The following SYT2 variants were observed in gnomAD, a reference collection of about 807,000 sequenced individuals.
SYT2 encodes synaptotagmin-2.
In SYT2, 15 loss-of-function variants were observed where a neutral mutation model predicts 39.9. The ratio of observed to expected loss-of-function variants is 0.38; its 90% CI spans 0.25 to 0.58. The LOEUF is 0.58. Ranked by LOEUF, SYT2 falls within the 20% of genes least tolerant of loss-of-function variation. The pLI is 0.70. For missense variants in SYT2, 389 were observed against 530.3 expected, an observed-to-expected ratio of 0.73 and a Z score of 2.62; for synonymous variants, 181 against 204.5, an observed-to-expected ratio of 0.89 and a Z score of 0.98.
intron 1 of SYT2, among the ~76,000 whole-genome samples, chr1:202,662,873 CA>C (rs1692409648): frequency 6.6e-6 from 1 of 152,142 alleles, no homozygotes; most frequent in South Asian, 2.1e-4. Flanking sequence ...AATAGATTTG[CA>C]AAGTCCCAGG....
intron 1 of SYT2, among the ~76,000 whole-genome samples, chr1:202,651,209 G>A (rs1692187332): frequency 6.6e-6 from 1 of 152,166 alleles, no homozygotes; most frequent in East Asian, 1.9e-4. Flanking sequence ...AGGAAGGGAT[G>A]GATTTGCTCA....
chr1:202,624,288 G>GT (rs752555006), intron 1 of SYT2, among the ~76,000 whole-genome samples: 54 of 151,050 alleles, frequency 3.6e-4, no homozygotes, highest in Non-Finnish European at 2.8e-4. Flanking sequence ...GTGTATATAT[G>GT]GTGTGTGTGT....
chr1:202,650,581 A>G (rs1441226694), intron 1 of SYT2, among the ~76,000 whole-genome samples: 1 of 152,006 alleles, frequency 6.6e-6, no homozygotes, highest in African/African-American at 2.4e-5. Flanking sequence ...GATTTCAGGC[A>G]CACACCACCA....
At chr1:202,693,402 T>G (rs1370556900) in intron 1 of SYT2, among the ~76,000 whole-genome samples, 1 of 152,180 alleles carries the variant, frequency 6.6e-6, no homozygotes, top group Non-Finnish European at 1.5e-5. Flanking sequence ...TCATTTCTAC[T>G]CATCGCCTGC....
rs143205006 is a variant in SYT2, at chr1:202,662,331, A to T, written c.-18+47927T>A. 3.1e-3 allele frequency among the ~76,000 whole-genome samples: 476 copies of T among 152,368 alleles called. 3 individuals carry two copies. Among genetic ancestry groups the T allele is most frequent in the African/African-American group, 0.011 (456 of 41,584 alleles). Reference sequence around the variant, plus strand: ...ACTACTTCCTAAAGACGCAGAGATTACACTAATTGATCCCCCTGCCTGGGG... The same window carrying T: ...ACTACTTCCTAAAGACGCAGAGATTTCACTAATTGATCCCCCTGCCTGGGG... On this transcript the variant is annotated intron_variant, in intron 1 of 8. Transcript: ENST00000367268.
intron 4 of SYT2, 105 bp downstream of exon 4, chr1:202,602,894 G>T: frequency 7.3e-7 from 1 of 1,378,332 alleles, no homozygotes; most frequent in Non-Finnish European, 1.0e-6. Context: ...CTATGGAAAG[G>T]AGTAGTGCCC....
In SYT2 at chr1:202,596,818, G is replaced by A; in HGVS notation, c.1199C>T (p.Ala400Val). The A allele has an allele frequency of 6.2e-7, 1 of 1,614,162 alleles. No individual in the cohort carries two copies. Among genetic ancestry groups the A allele is most frequent in the Non-Finnish European group, 8.5e-7 (1 of 1,180,026 alleles). ...CTCAGGCTTGAGCGAGTGCCACTGG[G>A]CGATGGGCCTCCGGGGGTTGGCCAG... ...DMLANPRRPI[A>V]QWHSLKPEEE... Residue 400 changes from alanine to valine, a missense_variant, in exon 9 of 9, where the codon GCC becomes GTC. Ala to Val is a moderately conservative substitution (Grantham distance 64). Transcript: ENST00000367268.
chr1:202,615,921 TC>T (rs1478923914), intron 1 of SYT2, among the ~76,000 whole-genome samples: 11 of 152,278 alleles, frequency 7.2e-5, no homozygotes, highest in African/African-American at 2.6e-4. Context: ...TCTGTGGTAT[TC>T]ACCTGGCAAA....
At chr1:202,694,787 CCCT>C (rs1468951338) in intron 1 of SYT2, among the ~76,000 whole-genome samples, 4 of 151,688 alleles carry the variant, frequency 2.6e-5, no homozygotes, top group East Asian at 1.9e-4. Context: ...CCTCTCCTCT[CCCT>C]CCTCCTCCTC....
At chr1:202,704,185 A>G (rs879863350) in intron 1 of SYT2, among the ~76,000 whole-genome samples, 2 of 152,162 alleles carry the variant, frequency 1.3e-5, no homozygotes, top group Admixed American at 1.3e-4. Flanking sequence ...ACAGGCGACT[A>G]TCCTGGGGTT....
At chr1:202,632,496 C>T in intron 1 of SYT2, 6 of 935,136 alleles carry the variant, frequency 6.4e-6, no homozygotes, top group Non-Finnish European at 7.7e-6. Flanking sequence ...GGCTGCGTAG[C>T]CATCGCCGGA....
chr1:202,709,922 C>G (rs1292986023), intron 1 of SYT2, among the ~76,000 whole-genome samples: 1 of 152,026 alleles, frequency 6.6e-6, no homozygotes, highest in East Asian at 1.9e-4. Flanking sequence ...GAGAGAGGGA[C>G]GGGGGCGCAG....
In SYT2 at chr1:202,628,839, C is replaced by A. The variant is rs992502985; in HGVS notation, c.-17-23050G>T. 6.6e-6 allele frequency among the ~76,000 whole-genome samples: 1 copy of A among 152,238 alleles called. No homozygotes were observed. The highest frequency in any genetic ancestry group is 6.5e-5 in the Admixed American group (1 of 15,284). On this transcript the variant is annotated intron_variant, in intron 1 of 8. Transcript: ENST00000367268. This position sits in a 1 kb window ranked among gnomAD's most constrained non-coding sequence, Gnocchi z 4.2. ...GGTGCTGCCAAGTGGGGTGAATGAG[C>A]ACCTGGGCTCTGGGCAGACTGACCT...
chr1:202,597,679 C>T (rs190809050), intron 8 of SYT2, among the ~76,000 whole-genome samples: 1 of 151,942 alleles, frequency 6.6e-6, no homozygotes, highest in African/African-American at 2.4e-5. Flanking sequence ...GTGTCGTGGA[C>T]ATTTGAGAGA....
intron 1 of SYT2, among the ~76,000 whole-genome samples, chr1:202,693,405 T>A (rs1342570959): frequency 3.3e-5 from 5 of 152,182 alleles, no homozygotes; most frequent in African/African-American, 1.2e-4. Context: ...TTTCTACTCA[T>A]CGCCTGCATC....
At chr1:202,603,788 C>T (rs1176124640) in intron 3 of SYT2, among the ~76,000 whole-genome samples, 2 of 152,154 alleles carry the variant, frequency 1.3e-5, no homozygotes, top group African/African-American at 2.4e-5. Context: ...CACACATGCA[C>T]TCAAAGGCCA....
At chr1:202,662,792 C>T (rs1014412856) in intron 1 of SYT2, among the ~76,000 whole-genome samples, 1 of 152,190 alleles carries the variant, frequency 6.6e-6, no homozygotes. Context: ...GCCTCAGGAT[C>T]ATCACCTGTA....
At chr1:202,709,069 C>A (rs1159616447) in intron 1 of SYT2, among the ~76,000 whole-genome samples, 5 of 148,328 alleles carry the variant, frequency 3.4e-5, no homozygotes, top group African/African-American at 9.8e-5. Flanking sequence ...AGGTCAGACC[C>A]CAGTTCACCT....
intron 1 of SYT2, among the ~76,000 whole-genome samples, chr1:202,672,269 C>A (rs1692604647): frequency 1.3e-5 from 2 of 152,176 alleles, no homozygotes; most frequent in African/African-American, 2.4e-5. Context: ...ATTCGTTTAA[C>A]CCCCAGTGTG....
Sources: allele counts gnomAD v4.1 joint callset (sites outside exome capture counted in the v4.1 genomes callset), GRCh38; gene constraint gnomAD v4.1.1; non-coding constraint Gnocchi (gnomAD v3.1); transcripts MANE v1.5; gene names NCBI Gene and HGNC (gene_info 2026-07-23, HGNC 2026-07-21).